LSAMP: variants seen among roughly 807,000 people sequenced by gnomAD.
The protein encoded by LSAMP is limbic system-associated membrane protein.
LSAMP carries 7 observed loss-of-function variants against 38.6 expected under a neutral mutation model. The ratio of observed to expected loss-of-function variants is 0.18; its 90% CI spans 0.10 to 0.34. The LOEUF is 0.34. Ranked by LOEUF, LSAMP falls within the 10% of genes least tolerant of loss-of-function variation. The pLI, the probability that LSAMP is intolerant of heterozygous loss-of-function variation, is 1.00. For synonymous variants in LSAMP, 154 were observed against 166.8 expected, an observed-to-expected ratio of 0.92 and a Z score of 0.59; for missense variants, 313 against 420.0, an observed-to-expected ratio of 0.75 and a Z score of 2.23.
At chr3:116,383,445 T>C (rs1018934277) in intron 1 of LSAMP, among the ~76,000 whole-genome samples, 3 of 152,130 alleles carry the variant, frequency 2.0e-5, no homozygotes, top group Non-Finnish European at 4.4e-5. Flanking sequence ...AGAATTCTAT[T>C]ATTTTAAAGC....
At chr3:116,254,116 C>T (rs1177484951) in intron 1 of LSAMP, among the ~76,000 whole-genome samples, 2 of 152,088 alleles carry the variant, frequency 1.3e-5, no homozygotes, top group South Asian at 4.1e-4. Flanking sequence ...GGAATACTCT[C>T]TAAAGACAGG....
intron 3 of LSAMP, among the ~76,000 whole-genome samples, chr3:115,989,626 T>C (rs1379886728): frequency 6.6e-6 from 1 of 152,102 alleles, no homozygotes; most frequent in Non-Finnish European, 1.5e-5. Flanking sequence ...TTTCTTGGTC[T>C]GGTATATCTT....
chr3:115,873,083 A>G (rs780443497), intron 3 of LSAMP, among the ~76,000 whole-genome samples: 6 of 152,116 alleles, frequency 3.9e-5, no homozygotes, highest in Admixed American at 6.6e-5. Context: ...CAAGATTTAA[A>G]TTCAGGCTGG....
intron 1 of LSAMP, among the ~76,000 whole-genome samples, chr3:116,178,299 C>G (rs1434050555): frequency 5.3e-5 from 8 of 152,056 alleles, no homozygotes; most frequent in African/African-American, 1.7e-4. Flanking sequence ...CCCGAGAACC[C>G]GGGACTACAG....
At chr3:116,055,530 C>T (rs1294989259) in intron 2 of LSAMP, among the ~76,000 whole-genome samples, 2 of 152,028 alleles carry the variant, frequency 1.3e-5, no homozygotes, top group African/African-American at 4.8e-5. Flanking sequence ...CCTGCCCAGC[C>T]TTTGGAAGAC....
intron 3 of LSAMP, among the ~76,000 whole-genome samples, chr3:116,012,898 C>A (rs1179382679): frequency 6.6e-6 from 1 of 152,126 alleles, no homozygotes; most frequent in African/African-American, 2.4e-5. Flanking sequence ...GATACGTATT[C>A]TATTTTTAAA....
In LSAMP at chr3:116,029,905, C is replaced by T. The variant is rs183791113; in HGVS notation, c.389-10265G>A. On this transcript the variant is annotated intron_variant, in intron 2 of 6. Coordinates refer to ENST00000490035, the MANE Select transcript of LSAMP (RefSeq NM_002338.5). Reference sequence around the variant, plus strand: ...TGGCCTTATGAGCCCCAAGCACTGTCCCAGGAAGTCAGATGTACAACAAAA... The same window carrying T: ...TGGCCTTATGAGCCCCAAGCACTGTTCCAGGAAGTCAGATGTACAACAAAA... Among the ~76,000 whole-genome samples the T allele has an allele frequency of 1.6e-3, 241 of 152,126 alleles. 2 individuals are homozygous for T. Among genetic ancestry groups the T allele is most frequent in the Non-Finnish European group, 1.9e-3 (127 of 67,972 alleles).
At chr3:116,138,120 C>T (rs1423990148) in intron 1 of LSAMP, among the ~76,000 whole-genome samples, 1 of 152,064 alleles carries the variant, frequency 6.6e-6, no homozygotes, top group Non-Finnish European at 1.5e-5. Flanking sequence ...CTCACAAGTT[C>T]TCAACTAATG....
chr3:116,330,019 T>G (rs2047827110), intron 1 of LSAMP, among the ~76,000 whole-genome samples: 1 of 152,176 alleles, frequency 6.6e-6, no homozygotes. Flanking sequence ...TCCAATAACT[T>G]TAATCAAAAG....
rs1261776529 is a variant in LSAMP at position 116,206,931 on chromosome 3, A to G, written c.156-120375T>C. 7.6e-4 allele frequency among the ~76,000 whole-genome samples: 114 copies of G among 150,446 alleles called. 1 individual carries two copies. The highest frequency in any genetic ancestry group is 3.4e-3 in the Middle Eastern group (1 of 294). ...GATGTCTATTAGGTCTGCTTGGTGC[A>G]GAGCTGAGTTCAATTCCTGGGTATC... On this transcript the variant is annotated intron_variant, in intron 1 of 6. Coordinates refer to ENST00000490035, the MANE Select transcript of LSAMP (RefSeq NM_002338.5).
In LSAMP at chr3:116,380,102, A is replaced by G. The variant is rs1017146342; in HGVS notation, c.155+64775T>C. 1.5e-4 allele frequency among the ~76,000 whole-genome samples: 23 copies of G among 151,824 alleles called. 1 individual carries two copies. Among genetic ancestry groups the G allele is most frequent in the Non-Finnish European group, 8.8e-5 (6 of 67,980 alleles). ...ATTCCATGCTACCCATTCAGGCCAT[A>G]TGAATGAGCTACTGACAACCTCACT... On this transcript the variant is annotated intron_variant, in intron 1 of 6. Transcript: ENST00000490035.
intron 1 of LSAMP, among the ~76,000 whole-genome samples, chr3:116,121,072 C>A (rs1708864577): frequency 2.0e-5 from 3 of 152,210 alleles, no homozygotes; most frequent in Non-Finnish European, 4.4e-5. Context: ...AAGGTCCCAA[C>A]ATCTTCAGTT....
In LSAMP at chr3:115,809,644, G is replaced by A. The variant is rs1933747766; in HGVS notation, c.*673C>T. ...CTTCCTAGCATTTGCGGCATGACTA[G>A]TGCTCTGGGGAGGGGGTGGAGGTGA... On this transcript the variant is annotated 3_prime_UTR_variant, in exon 7 of 7. Coordinates refer to ENST00000490035, the MANE Select transcript of LSAMP (RefSeq NM_002338.5). The A allele has an allele frequency of 6.6e-6, 1 of 152,388 alleles. No individual in the cohort carries two copies. The highest frequency in any genetic ancestry group is 2.1e-4 in the South Asian group (1 of 4,816). 9.4% of individuals were successfully genotyped at this position (152,388 alleles called of 1,614,324 possible). A position where few individuals can be genotyped will look rare whatever the true frequency, so the allele number is the denominator to read the frequency against.
chr3:116,321,491 C>A (rs1183252820), intron 1 of LSAMP, among the ~76,000 whole-genome samples: 1 of 152,130 alleles, frequency 6.6e-6, no homozygotes, highest in Non-Finnish European at 1.5e-5. Flanking sequence ...ATATTAGGGG[C>A]TTTTCAGGCT....
chr3:116,060,403 G>T (rs1941572193), intron 2 of LSAMP, among the ~76,000 whole-genome samples: 1 of 152,064 alleles, frequency 6.6e-6, no homozygotes, highest in South Asian at 2.1e-4. Context: ...CAAAATCTGA[G>T]ATGGAATCTC....
intron 3 of LSAMP, among the ~76,000 whole-genome samples, chr3:115,861,613 G>A (rs979567429): frequency 2.0e-5 from 3 of 152,138 alleles, no homozygotes; most frequent in Admixed American, 6.5e-5. Flanking sequence ...ATGAAGAAAT[G>A]TATTCTAAAT....
chr3:116,182,392 A>C (rs370281580), intron 1 of LSAMP, among the ~76,000 whole-genome samples: 3 of 151,328 alleles, frequency 2.0e-5, no homozygotes. Flanking sequence ...TATATATAGA[A>C]ATATATATAC....
chr3:116,166,983 G>A (rs1710069794), intron 1 of LSAMP, among the ~76,000 whole-genome samples: 1 of 151,914 alleles, frequency 6.6e-6, no homozygotes. Context: ...AGTAGAGACG[G>A]GGTTTCACCG....
chr3:115,812,038 T>C (rs1011767726), intron 6 of LSAMP, among the ~76,000 whole-genome samples: 1 of 152,190 alleles, frequency 6.6e-6, no homozygotes, highest in Non-Finnish European at 1.5e-5. Flanking sequence ...ATTCAGCAAA[T>C]TAAACTTGGG....
Sources: gnomAD v4.1 joint callset for allele counts (sites outside exome capture counted in the v4.1 genomes callset) on GRCh38, gnomAD v4.1.1 for gene constraint, MANE v1.5 for transcripts, NCBI Gene and HGNC (gene_info 2026-07-23, HGNC 2026-07-21) for gene names.